Variants in DOCK5 observed in about 807,000 individuals in gnomAD.
The protein encoded by DOCK5 is dedicator of cytokinesis protein 5.
In DOCK5, 142 loss-of-function variants were observed where a neutral mutation model predicts 251.8. That is an observed-to-expected ratio of 0.56 (90% CI 0.49 to 0.65). The LOEUF (loss-of-function observed/expected upper bound fraction) is 0.65, where lower values mean the gene tolerates loss of function less well. Ranked by LOEUF, DOCK5 falls within the 30% of genes least tolerant of loss-of-function variation. The probability of loss-of-function intolerance (pLI) is 0.00; values close to 1 mark genes in which losing one functional copy is unlikely to be tolerated. For synonymous variants in DOCK5, 842 were observed against 835.5 expected, an observed-to-expected ratio of 1.01 and a Z score of -0.13; for missense variants, 2,111 against 2,312.3, an observed-to-expected ratio of 0.91 and a Z score of 1.79.
At chr8:25,213,438 C>T (rs1802153142) in intron 1 of DOCK5, among the ~76,000 whole-genome samples, 1 of 150,990 alleles carries the variant, frequency 6.6e-6, no homozygotes, top group South Asian at 2.1e-4. Flanking sequence ...TATTTGTAAC[C>T]TTTCCTTTGT....
At chr8:25,189,685 G>T (rs1801526875) in intron 1 of DOCK5, among the ~76,000 whole-genome samples, 1 of 151,872 alleles carries the variant, frequency 6.6e-6, no homozygotes. Context: ...GTAGCTCATT[G>T]TTGCATGTTG....
At chr8:25,370,103 A>G (rs1309904219) in intron 34 of DOCK5, among the ~76,000 whole-genome samples, 2 of 152,192 alleles carry the variant, frequency 1.3e-5, no homozygotes. Context: ...CTGCCCTGTC[A>G]TCCACCCCAT....
Position 25,414,144 on chromosome 8 carries a change from C to T in DOCK5, c.*2846C>T, listed in dbSNP as rs977978302. On this transcript the variant is annotated 3_prime_UTR_variant, in exon 52 of 52. Coordinates refer to ENST00000276440, the MANE Select transcript of DOCK5 (RefSeq NM_024940.8). The stretch of plus-strand genomic sequence containing the variant: ...TTCCTCTCTTTCTTTGTTCTAGTGA[C>T]TTGTCTTGCTTTAAGATTTTTTTTA... The T allele has an allele frequency of 2.0e-5, 3 of 152,056 alleles. No individual in the cohort carries two copies. The highest frequency in any genetic ancestry group is 7.3e-5 in the African/African-American group (3 of 41,378). The allele number at this position is 152,056 out of a possible 1,614,324, so 9.4% of individuals were successfully genotyped here.
Position 25,203,261 on chromosome 8 carries a change from A to G in DOCK5, c.43+18310A>G, listed in dbSNP as rs562821546. On this transcript the variant is annotated intron_variant, in intron 1 of 51. Coordinates refer to ENST00000276440, the MANE Select transcript of DOCK5 (RefSeq NM_024940.8). The stretch of plus-strand genomic sequence containing the variant: ...CTTCTTGAATTAAAGAGTTGCTTGC[A>G]TATAGAATATACTGGAGTCATTTTT... Among the ~76,000 whole-genome samples the G allele has an allele frequency of 7.2e-5, 11 of 152,356 alleles. No individual in the cohort carries two copies. The East Asian group carries it at 1.5e-3, about 21-fold the overall frequency.
chr8:25,282,245 T>C (rs1804213069), intron 5 of DOCK5, among the ~76,000 whole-genome samples: 1 of 151,924 alleles, frequency 6.6e-6, no homozygotes, highest in African/African-American at 2.4e-5. Flanking sequence ...TTTTTTTTCC[T>C]GTCCCTTCCT....
At position 25,314,709 on chromosome 8, in the gene DOCK5, C is replaced by CCATCCAT. The variant is rs59477032; in HGVS notation, c.1319-2298_1319-2297insCATCCAT. Among the ~76,000 whole-genome samples, 250 of 132,868 alleles carry CCATCCAT rather than the reference C, an allele frequency of 1.9e-3. 2 individuals are homozygous for CCATCCAT. The highest frequency in any genetic ancestry group is 5.8e-3 in the African/African-American group (192 of 33,206). The allele number at this position is 132,868 out of a possible 152,430, so 87.2% of individuals were successfully genotyped here. ...ATCCATCCATCCATCCATCCATCCA[C>CCATCCAT]GTACCCAACCTCTATCCACCCATCC... is the stretch of plus-strand genomic sequence containing the variant. On this transcript the variant is annotated intron_variant, in intron 13 of 51. Transcript: ENST00000276440.
intron 3 of DOCK5, among the ~76,000 whole-genome samples, chr8:25,271,967 A>G (rs1381176427): frequency 6.6e-5 from 10 of 152,244 alleles, no homozygotes; most frequent in Admixed American, 6.5e-4. Context: ...ACTATGTAAC[A>G]AATACACACA....
In DOCK5 at chr8:25,392,828, T is replaced by C. The variant is rs1801284423; in HGVS notation, c.4473T>C (p.Thr1491=). The C allele has an allele frequency of 6.2e-7, 1 of 1,613,232 alleles. No homozygotes were observed. The highest frequency in any genetic ancestry group is 8.5e-7 in the Non-Finnish European group (1 of 1,179,644). The change falls in exon 44 of 52, where the codon ACT becomes ACC. Residue 1491 remains threonine, a synonymous_variant. Transcript: ENST00000276440. ...GGATTGAACGGACCACGTATACGAC[T>C]GCATATACCTTTCCTGGGATTCTCA... ...TMWIERTTYT[T]AYTFPGILKW... is the part of the protein sequence containing the mutation.
intron 46 of DOCK5, among the ~76,000 whole-genome samples, chr8:25,400,205 T>A (rs1278341417): frequency 1.3e-5 from 2 of 152,048 alleles, no homozygotes; most frequent in Non-Finnish European, 2.9e-5. Context: ...GAGATCAAAG[T>A]TCATCGGCTG....
At chr8:25,344,489 G>A (rs1800321374) in intron 25 of DOCK5, among the ~76,000 whole-genome samples, 1 of 152,186 alleles carries the variant, frequency 6.6e-6, no homozygotes, top group South Asian at 2.1e-4. Flanking sequence ...GAGCCTTCCT[G>A]GCTTTGCCCC....
intron 2 of DOCK5, among the ~76,000 whole-genome samples, chr8:25,248,571 T>G (rs142334563): frequency 5.3e-5 from 8 of 152,108 alleles, no homozygotes; most frequent in African/African-American, 1.9e-4. Context: ...TCTGTGTGTG[T>G]TTTTCCAGCG....
intron 5 of DOCK5, among the ~76,000 whole-genome samples, chr8:25,285,776 A>G (rs759598619): frequency 1.3e-5 from 2 of 152,192 alleles, no homozygotes; most frequent in African/African-American, 2.4e-5. Context: ...ATTCCTTATT[A>G]CCAAGAACAG....
intron 38 of DOCK5, among the ~76,000 whole-genome samples, chr8:25,377,930 A>G (rs918975363): frequency 5.3e-5 from 8 of 151,100 alleles, no homozygotes; most frequent in African/African-American, 1.9e-4. Context: ...TTTTTGGTAA[A>G]TATGGGGTCT....
intron 1 of DOCK5, among the ~76,000 whole-genome samples, chr8:25,218,507 C>A (rs1802306432): frequency 6.6e-6 from 1 of 152,186 alleles, no homozygotes. Context: ...TGGATTGTTA[C>A]AAGGGGGCAT....
intron 1 of DOCK5, among the ~76,000 whole-genome samples, chr8:25,233,083 C>G (rs1802711324): frequency 6.6e-6 from 1 of 152,122 alleles, no homozygotes; most frequent in Non-Finnish European, 1.5e-5. Context: ...CACATTCTAG[C>G]CACCTTGACC....
rs1467020324 is a variant in DOCK5 at position 25,412,842 on chromosome 8, C to T, written c.*1544C>T. ...CCGCCACCCTTTCAGGAGAGAACTA[C>T]ACCAGTTCATCATGAGGGTCAGGGA... On this transcript the variant is annotated 3_prime_UTR_variant, in exon 52 of 52. Transcript: ENST00000276440. 1.3e-5 allele frequency: 2 copies of T among 152,206 alleles called. No homozygotes were observed. The highest frequency in any genetic ancestry group is 4.8e-5 in the African/African-American group (2 of 41,446). 9.4% of individuals were successfully genotyped at this position (152,206 alleles called of 1,614,324 possible). A position where few individuals can be genotyped will look rare whatever the true frequency, so the allele number is the denominator to read the frequency against.
chr8:25,235,482 C>T (rs771384687), intron 1 of DOCK5, among the ~76,000 whole-genome samples: 1 of 152,142 alleles, frequency 6.6e-6, no homozygotes, highest in Non-Finnish European at 1.5e-5. Context: ...TGGTCTCAAA[C>T]TCCTGAGGTC....
chr8:25,349,988 A>G (rs1182769632), intron 26 of DOCK5, among the ~76,000 whole-genome samples: 1 of 152,248 alleles, frequency 6.6e-6, no homozygotes, highest in Non-Finnish European at 1.5e-5. Context: ...TAAAAAAGTT[A>G]GACTCCTAGA....
chr8:25,237,363 C>G (rs1340491293), intron 1 of DOCK5, among the ~76,000 whole-genome samples: 1 of 151,938 alleles, frequency 6.6e-6, no homozygotes, highest in Non-Finnish European at 1.5e-5. Context: ...GAGTGAGATC[C>G]TGTCTCAAAA....
Sources: allele counts gnomAD v4.1 joint callset (sites outside exome capture counted in the v4.1 genomes callset), GRCh38; gene constraint gnomAD v4.1.1; transcripts MANE v1.5; gene names NCBI Gene and HGNC (gene_info 2026-07-23, HGNC 2026-07-21).